Variants in FUT8 observed in about 807,000 individuals in gnomAD.
FUT8 encodes alpha-(1,6)-fucosyltransferase.
In FUT8, 29 loss-of-function variants were observed where a neutral mutation model predicts 71.3. That is an observed-to-expected ratio of 0.41 (90% CI 0.30 to 0.55). FUT8 has a LOEUF of 0.55. Ranked by LOEUF, FUT8 falls within the 20% of genes least tolerant of loss-of-function variation. The pLI is 0.34. For missense variants in FUT8, 544 were observed against 702.1 expected (o/e 0.77, Z 2.55); for synonymous variants, 254 against 239.3 (o/e 1.06, Z -0.57).
At chr14:65,429,850 T>G (rs1595364117) in intron 1 of FUT8, among the ~76,000 whole-genome samples, 3 of 101,352 alleles carry the variant, frequency 3.0e-5, no homozygotes, top group Non-Finnish European at 3.6e-5. Flanking sequence ...GATAGTAGAG[T>G]GAGACTGTCT....
At chr14:65,565,302 A>G (rs1004473931) in intron 3 of FUT8, among the ~76,000 whole-genome samples, 3 of 151,942 alleles carry the variant, frequency 2.0e-5, no homozygotes, top group African/African-American at 4.8e-5. Context: ...CCCACCTGCC[A>G]ATACTGCCAT....
chr14:65,421,049 T>C (rs1166553015), intron 1 of FUT8, among the ~76,000 whole-genome samples: 1 of 151,880 alleles, frequency 6.6e-6, no homozygotes, highest in Non-Finnish European at 1.5e-5. Flanking sequence ...AAAAATTAGC[T>C]GGGCGTGGTT....
At chr14:65,597,635 A>AG (rs1888062887) in intron 3 of FUT8, among the ~76,000 whole-genome samples, 1 of 146,756 alleles carries the variant, frequency 6.8e-6, no homozygotes, top group Non-Finnish European at 1.5e-5. Flanking sequence ...AAAAAAAAAA[A>AG]CATAAATAAA....
intron 2 of FUT8, among the ~76,000 whole-genome samples, chr14:65,530,830 TCCCTCCCTCC>T (rs1883906489): frequency 6.7e-6 from 1 of 148,762 alleles, no homozygotes; most frequent in Non-Finnish European, 1.5e-5. Flanking sequence ...TCTCTCTCTC[TCCCTCCCTCC>T]CCCTCTCTTC....
chr14:65,650,137 A>C (rs989299935), intron 6 of FUT8, among the ~76,000 whole-genome samples: 1 of 151,950 alleles, frequency 6.6e-6, no homozygotes, highest in East Asian at 1.9e-4. Context: ...TCTACTAAAA[A>C]TACAAAAAAA....
chr14:65,395,248 A>C, the FUT8 span, among the ~76,000 whole-genome samples: 56 of 152,122 alleles, frequency 3.7e-4, no homozygotes, highest in Non-Finnish European at 7.6e-4. Context: ...CTGTTGCTGG[A>C]TCTACCGTTC....
At chr14:65,533,806 A>G (rs1440949688) in intron 2 of FUT8, among the ~76,000 whole-genome samples, 1 of 152,086 alleles carries the variant, frequency 6.6e-6, no homozygotes, top group Non-Finnish European at 1.5e-5. Flanking sequence ...TTCCTTCAAT[A>G]CCTAGTTCAT....
intron 2 of FUT8, among the ~76,000 whole-genome samples, chr14:65,522,090 A>G (rs2139864752): frequency 6.6e-6 from 1 of 152,154 alleles, no homozygotes; most frequent in East Asian, 1.9e-4. Flanking sequence ...CTTTTGTTTC[A>G]GTTGTCTCAT....
chr14:65,495,286 A>T (rs1276069688), intron 2 of FUT8, among the ~76,000 whole-genome samples: 3 of 152,004 alleles, frequency 2.0e-5, no homozygotes, highest in African/African-American at 4.8e-5. Context: ...TTCTTTGTGA[A>T]AAGTTAGGTA....
At chr14:65,411,879 C>T (rs2065129528), upstream of FUT8, 3 of 370,056 alleles carry the variant, frequency 8.1e-6, no homozygotes, top group Non-Finnish European at 1.6e-5. Context: ...ACTTTGTGTG[C>T]TGGGGCGGCG....
At position 65,643,988 on chromosome 14, in the gene FUT8, A is replaced by G. The variant is rs1336845822; in HGVS notation, c.597+14382A>G. Among the ~76,000 whole-genome samples the G allele has an allele frequency of 1.3e-5, 2 of 152,088 alleles. 1 individual carries two copies. Among genetic ancestry groups the G allele is most frequent in the South Asian group, 4.1e-4 (2 of 4,828 alleles). ...AAGTCACAATACAGTTCTAGAAACA[A>G]TTTTCCAAATCTTAAAGCAGGTCTG... On this transcript the variant is annotated intron_variant, in intron 6 of 10. Coordinates refer to ENST00000673929, the MANE Select transcript of FUT8 (RefSeq NM_001371533.1). The surrounding 1 kb of genome is among the most constrained non-coding windows in gnomAD (Gnocchi z 4.5).
chr14:65,718,489 T>C (rs1325749940), intron 7 of FUT8, among the ~76,000 whole-genome samples: 1 of 152,238 alleles, frequency 6.6e-6, no homozygotes, highest in Non-Finnish European at 1.5e-5. Flanking sequence ...ACTTAAGATA[T>C]CAATAGGTTA....
intron 6 of FUT8, among the ~76,000 whole-genome samples, chr14:65,633,190 C>T (rs1426482274): frequency 4.6e-5 from 7 of 152,142 alleles, no homozygotes; most frequent in Admixed American, 1.3e-4. Context: ...GACTGGTTTT[C>T]GTATTTTTTT....
chr14:65,422,341 A>C lies in FUT8; in HGVS notation c.-326+9127A>C, dbSNP rs1205392324. On this transcript the variant is annotated intron_variant, in intron 1 of 10. Transcript: ENST00000673929. ...CAGTTCTGATCATAAACCACACTGC[A>C]TTTTCACCAAACAGTAGAGTTAGCC... Among the ~76,000 whole-genome samples, 4 of 152,048 alleles carry C rather than the reference A, an allele frequency of 2.6e-5. No individual in the cohort carries two copies. The East Asian group carries it at 7.7e-4, about 29-fold the overall frequency.
At chr14:65,584,756 ATTAG>A (rs1887284086) in intron 3 of FUT8, among the ~76,000 whole-genome samples, 1 of 152,176 alleles carries the variant, frequency 6.6e-6, no homozygotes, top group Non-Finnish European at 1.5e-5. Context: ...TCAAGTGAAA[ATTAG>A]TTTGTTTTGC....
At chr14:65,511,137 A>G (rs1014024787) in intron 2 of FUT8, among the ~76,000 whole-genome samples, 3 of 151,824 alleles carry the variant, frequency 2.0e-5, no homozygotes, top group African/African-American at 4.8e-5. Context: ...GAAGTTTTCA[A>G]TTTTCTTCTT....
chr14:65,626,751 T>A (rs750325457), intron 5 of FUT8, among the ~76,000 whole-genome samples: 15 of 152,378 alleles, frequency 9.8e-5, no homozygotes, highest in Non-Finnish European at 1.0e-4. Context: ...AATCTCCAGC[T>A]AATGCTTTAT....
chr14:65,375,135 T>G, the FUT8 span, among the ~76,000 whole-genome samples: 6 of 152,132 alleles, frequency 3.9e-5, no homozygotes, highest in Non-Finnish European at 7.4e-5. Context: ...AGAACCCTTG[T>G]CTTTGTTTAG....
Position 65,669,232 on chromosome 14 carries a change from C to G in FUT8, c.598-11C>G. 1 of 1,599,206 alleles carries G rather than the reference C, an allele frequency of 6.3e-7. No homozygotes were observed. Among genetic ancestry groups the G allele is most frequent in the Non-Finnish European group, 8.6e-7 (1 of 1,167,934 alleles). ...CTTATCTTTATTTTCATTTCTCTTT[C>G]TCCCTGACAGAATCCCAAGGACTGC... On this transcript the variant is annotated splice_polypyrimidine_tract_variant and intron_variant, in intron 6 of 10. Coordinates refer to ENST00000673929, the MANE Select transcript of FUT8 (RefSeq NM_001371533.1). This position sits in a 1 kb window ranked among gnomAD's most constrained non-coding sequence, Gnocchi z 4.5.
Sources: allele counts gnomAD v4.1 joint callset (sites outside exome capture counted in the v4.1 genomes callset), GRCh38; gene constraint gnomAD v4.1.1; non-coding constraint Gnocchi (gnomAD v3.1); transcripts MANE v1.5; gene names NCBI Gene and HGNC (gene_info 2026-07-23, HGNC 2026-07-21).